Variants in PCDHGA6 observed in about 807,000 individuals in gnomAD.
PCDHGA6 encodes protocadherin gamma subfamily A, 6.
In PCDHGA6, 41 loss-of-function variants were observed where a neutral mutation model predicts 60.6. The ratio of observed to expected loss-of-function variants is 0.68; its 90% CI spans 0.53 to 0.88. PCDHGA6 has a LOEUF of 0.88. Among genes scored for constraint, PCDHGA6 ranks in the 40% least tolerant of loss-of-function variants. PCDHGA6 has a pLI of 0.00. For missense variants in PCDHGA6, 1,312 were observed against 1,203.0 expected, an observed-to-expected ratio of 1.09 and a Z score of -1.34; for synonymous variants, 594 against 524.4, an observed-to-expected ratio of 1.13 and a Z score of -1.81.
At chr5:141,418,407 A>C (rs1165583519) in intron 1 of PCDHGA6, 1 of 1,613,926 alleles carries the variant, frequency 6.2e-7, no homozygotes, top group Non-Finnish European at 8.5e-7. Flanking sequence ...TTGGTGGAGA[A>C]AGACAATCCT....
chr5:141,384,491 G>A (rs1370590293), intron 1 of PCDHGA6: 7 of 1,614,160 alleles, frequency 4.3e-6, no homozygotes, highest in East Asian at 4.5e-5. Flanking sequence ...CTACAACTAA[G>A]AGTGACTGCA....
chr5:141,500,340 C>T (rs188966393), intron 2 of PCDHGA6, among the ~76,000 whole-genome samples: 1 of 151,950 alleles, frequency 6.6e-6, no homozygotes, highest in East Asian at 1.9e-4. Flanking sequence ...TCCAGAATAG[C>T]TGGGACTACA....
intron 1 of PCDHGA6, chr5:141,407,873 A>G (rs561323423): frequency 2.0e-5 from 7 of 354,686 alleles, no homozygotes; most frequent in African/African-American, 1.3e-4. Context: ...CGAAGAATAT[A>G]TACATTTCGG....
In PCDHGA6 at chr5:141,496,208, G is replaced by T. The variant is rs530974273; in HGVS notation, c.2483+1343G>T. On this transcript the variant is annotated intron_variant, in intron 2 of 3. Coordinates refer to ENST00000517434, the MANE Select transcript of PCDHGA6 (RefSeq NM_018919.3). Reference sequence around the variant, plus strand: ...CCAGCTGCTCATTTCAATCTGGTATGAATTCCTGCTGAGACAGGAACCCCC... The same window carrying T: ...CCAGCTGCTCATTTCAATCTGGTATTAATTCCTGCTGAGACAGGAACCCCC... Among the ~76,000 whole-genome samples, 13 of 152,222 alleles carry T rather than the reference G, an allele frequency of 8.5e-5. No homozygotes were observed. In the East Asian group the frequency reaches 2.3e-3, roughly 27 times the overall value.
chr5:141,375,274 A>G lies in PCDHGA6; in HGVS notation c.1191A>G (p.Ser397=). ...GTCTCCCATTTGAATTGGAAAAATC[A>G]GTTGGCAATTATTATCGATTAGTGA... ...PRSLPFELEK[S]VGNYYRLVTN... is the part of the protein sequence containing the mutation. The change falls in exon 1 of 4, where the codon TCA becomes TCG. Residue 397 remains serine (S), a synonymous_variant. Coordinates refer to ENST00000517434, the MANE Select transcript of PCDHGA6 (RefSeq NM_018919.3). 1.9e-6 allele frequency: 3 copies of G among 1,613,898 alleles called. No individual in the cohort carries two copies. Among genetic ancestry groups the G allele is most frequent in the Non-Finnish European group, 2.5e-6 (3 of 1,179,892 alleles).
At chr5:141,435,719 C>T (rs890713374) in intron 1 of PCDHGA6, among the ~76,000 whole-genome samples, 6 of 152,156 alleles carry the variant, frequency 3.9e-5, no homozygotes, top group Admixed American at 3.3e-4. Context: ...ACACTGAATG[C>T]TAAAGTGTAT....
rs561053469 is a variant in PCDHGA6 at position 141,389,531 on chromosome 5, A to G, written c.2424+13024A>G. The G allele has an allele frequency of 5.0e-6, 8 of 1,613,210 alleles. No individual in the cohort carries two copies. In the East Asian group the frequency reaches 6.7e-5, roughly 13 times the overall value. On this transcript the variant is annotated intron_variant, in intron 1 of 3. Transcript: ENST00000517434. ...GCGCGAACGTGAGCCTGCGCGTGTT[A>G]GTGGACGACCGCAACGACAATGCGC...
chr5:141,412,154 A>G (rs528810323), intron 1 of PCDHGA6: 1 of 152,344 alleles, frequency 6.6e-6, no homozygotes, highest in Admixed American at 6.5e-5. Flanking sequence ...ACTGCCTAAG[A>G]GAAGAGATTA....
chr5:141,462,811 T>C (rs893444929), intron 1 of PCDHGA6, among the ~76,000 whole-genome samples: 1 of 152,206 alleles, frequency 6.6e-6, no homozygotes, highest in Non-Finnish European at 1.5e-5. Context: ...ATAATGTTTT[T>C]ATTGGACAGC....
intron 1 of PCDHGA6, among the ~76,000 whole-genome samples, chr5:141,447,285 A>G (rs143024915): frequency 0.046 from 7,013 of 152,060 alleles, 241 homozygotes; most frequent in African/African-American, 0.093. Context: ...GACTACAGGC[A>G]CATGCCACCA....
At chr5:141,407,261 C>G (rs1396861077) in intron 1 of PCDHGA6, among the ~76,000 whole-genome samples, 1 of 152,128 alleles carries the variant, frequency 6.6e-6, no homozygotes, top group Non-Finnish European at 1.5e-5. Flanking sequence ...TATTTTTAAC[C>G]ATGCAACAAG....
At chr5:141,467,360 C>T (rs965838962) in intron 1 of PCDHGA6, among the ~76,000 whole-genome samples, 3 of 152,010 alleles carry the variant, frequency 2.0e-5, no homozygotes, top group Non-Finnish European at 4.4e-5. Context: ...GCCAAATCAA[C>T]GTTTTCTTAT....
intron 1 of PCDHGA6, chr5:141,427,649 C>T (rs1283312654): frequency 1.4e-6 from 1 of 717,274 alleles, no homozygotes; most frequent in East Asian, 2.7e-5. Context: ...AAGTCTCCTA[C>T]GTGGTCCACG....
In PCDHGA6 at chr5:141,502,866, C is replaced by CT. The variant is rs549047197; in HGVS notation, c.2484-2513dup. ...GAGCTGCCTAACCCTGACTCTCTGT[C>CT]TTTTTTTTTTTTTTGACAGGGAGTC... On this transcript the variant is annotated intron_variant, in intron 2 of 3. Transcript: ENST00000517434. Among the ~76,000 whole-genome samples, 1,216 of 127,988 alleles carry CT rather than the reference C, an allele frequency of 9.5e-3. 34 individuals are homozygous for CT. Among genetic ancestry groups the CT allele is most frequent in the Non-Finnish European group, 0.015 (955 of 62,394 alleles). The allele number at this position is 127,988 out of a possible 152,430, so 84.0% of individuals were successfully genotyped here.
At chr5:141,398,372 G>C in intron 1 of PCDHGA6, 1 of 1,437,202 alleles carries the variant, frequency 7.0e-7, no homozygotes, top group Non-Finnish European at 9.7e-7. Context: ...GCAGAGAGCG[G>C]GGAGTTGCTT....
chr5:141,491,513 A>C lies in PCDHGA6; in HGVS notation c.2425-3294A>C, dbSNP rs1163218369. On this transcript the variant is annotated intron_variant, in intron 1 of 3. Coordinates refer to ENST00000517434, the MANE Select transcript of PCDHGA6 (RefSeq NM_018919.3). The surrounding 1 kb of genome is among the most constrained non-coding windows in gnomAD (Gnocchi z 6.9). ...CAGGTGAGCTCGGACGGCACGCTCAAGTACATGGAGGTGACGCTGCGGCCC... is the reference window on the plus strand; with the variant it reads ...CAGGTGAGCTCGGACGGCACGCTCACGTACATGGAGGTGACGCTGCGGCCC... The C allele has an allele frequency of 6.2e-7, 1 of 1,613,934 alleles. No individual in the cohort carries two copies. Among genetic ancestry groups the C allele is most frequent in the East Asian group, 2.2e-5 (1 of 44,888 alleles).
In PCDHGA6 at chr5:141,491,365, T is replaced by A. The variant is rs201011046; in HGVS notation, c.2425-3442T>A. ...CGTCAGTCTCTTATCCCTAGTCACC[T>A]TCACCTTTCTGTCAGCGAAGTGCCT... On this transcript the variant is annotated intron_variant, in intron 1 of 3. Transcript: ENST00000517434. This position sits in a 1 kb window ranked among gnomAD's most constrained non-coding sequence, Gnocchi z 6.9. 1.7e-5 allele frequency: 27 copies of A among 1,614,016 alleles called. No individual in the cohort carries two copies. The highest frequency in any genetic ancestry group is 2.0e-5 in the Non-Finnish European group (24 of 1,179,982).
In PCDHGA6 at chr5:141,384,701, A is replaced by G. The variant is rs775540555; in HGVS notation, c.2424+8194A>G. On this transcript the variant is annotated intron_variant, in intron 1 of 3. Transcript: ENST00000517434. ...GCGGTGGACAAAGATTCAGGCCAGA[A>G]CGCCTGGCTGTCATACCTCCTGCTT... is the stretch of plus-strand genomic sequence containing the variant. The G allele has an allele frequency of 8.7e-6, 14 of 1,614,138 alleles. No homozygotes were observed. In the South Asian group the frequency reaches 1.2e-4, roughly 14 times the overall value.
rs192227219 is a variant in PCDHGA6 at position 141,501,899 on chromosome 5, A to G, written c.2484-3494A>G. Among the ~76,000 whole-genome samples the G allele has an allele frequency of 1.0e-3, 159 of 152,024 alleles. 1 individual carries two copies. The highest frequency in any genetic ancestry group is 6.8e-3 in the Middle Eastern group (2 of 294). ...TACACTCCTGATCATCATGGTTCCA[A>G]CCCCACTGTTCCACTCAGCTTTGTT... is the stretch of plus-strand genomic sequence containing the variant. On this transcript the variant is annotated intron_variant, in intron 2 of 3. Transcript: ENST00000517434.
Sources: allele counts gnomAD v4.1 joint callset (sites outside exome capture counted in the v4.1 genomes callset), GRCh38; gene constraint gnomAD v4.1.1; non-coding constraint Gnocchi (gnomAD v3.1); transcripts MANE v1.5; gene names NCBI Gene and HGNC (gene_info 2026-07-23, HGNC 2026-07-21).